RYR1: variants seen among roughly 807,000 people sequenced by gnomAD.
RYR1 encodes ryanodine receptor 1.
A neutral mutation model predicts 583.5 loss-of-function variants in RYR1; 342 were observed. That is an observed-to-expected ratio of 0.59 (90% CI 0.54 to 0.64). RYR1 has a LOEUF of 0.64. Among genes scored for constraint, RYR1 ranks in the 30% least tolerant of loss-of-function variants. The pLI, the probability that RYR1 is intolerant of heterozygous loss-of-function variation, is 0.00. For missense variants in RYR1, 6,032 were observed against 6,917.2 expected, an observed-to-expected ratio of 0.87 and a Z score of 4.54; for synonymous variants, 2,791 against 2,822.5, an observed-to-expected ratio of 0.99 and a Z score of 0.35.
intron 58 of RYR1, among the ~76,000 whole-genome samples, chr19:38,509,923 A>T (rs1970652339): frequency 1.3e-5 from 2 of 151,674 alleles, no homozygotes; most frequent in Admixed American, 1.3e-4. Flanking sequence ...ATTCAAGTTT[A>T]GAATGAAAAG....
At chr19:38,528,847 G>T in intron 75 of RYR1, 104 bp from the exon 76 acceptor site, 1 of 1,454,566 alleles carries the variant, frequency 6.9e-7, no homozygotes, top group East Asian at 2.3e-5. Context: ...TAGGGCGCAG[G>T]ATGTGGGAAA....
intron 35 of RYR1, 67 bp from the exon 36 acceptor site, chr19:38,489,995 GGAGAGGAAGCAAGA>G: frequency 7.0e-7 from 1 of 1,434,750 alleles, no homozygotes; most frequent in Non-Finnish European, 9.8e-7. Flanking sequence ...CATGGAGAGG[GGAGAGGAAGCAAGA>G]GAAGTTTCAA....
intron 1 of RYR1, among the ~76,000 whole-genome samples, chr19:38,436,134 T>C (rs1157422230): frequency 6.6e-6 from 1 of 152,068 alleles, no homozygotes; most frequent in Non-Finnish European, 1.5e-5. Flanking sequence ...GGTCTTGAAC[T>C]CCTGACCTCA....
intron 101 of RYR1, among the ~76,000 whole-genome samples, 198 bp downstream of exon 101, chr19:38,580,702 A>T (rs1974164385): frequency 6.6e-6 from 1 of 152,092 alleles, no homozygotes; most frequent in African/African-American, 2.4e-5. Context: ...CTCTATAAAA[A>T]AAAATTTAAA....
intron 94 of RYR1, among the ~76,000 whole-genome samples, chr19:38,571,641 C>T (rs1237130844): frequency 6.6e-6 from 1 of 151,830 alleles, no homozygotes; most frequent in Non-Finnish European, 1.5e-5. Flanking sequence ...CCGTCCACCC[C>T]ACCAAAAAAA....
rs1296515481 is a variant in RYR1, at chr19:38,458,184, C to T, written c.2059C>T (p.Leu687Phe). 6.2e-7 allele frequency: 1 copy of T among 1,612,326 alleles called. No homozygotes were observed. The highest frequency in any genetic ancestry group is 8.5e-7 in the Non-Finnish European group (1 of 1,179,508). The change falls in exon 18 of 106, where the codon CTC becomes TTC. Residue 687 changes from leucine (L) to phenylalanine (F), a missense_variant. By Grantham distance (22) the Leu-to-Phe change is conservative. Transcript: ENST00000359596. ...CACCCACTTGCGGGTGGGCTGGGCCCTCACCGAGGGCTACACCCCCTACCC... is the reference window on the plus strand; with the variant it reads ...CACCCACTTGCGGGTGGGCTGGGCCTTCACCGAGGGCTACACCCCCTACCC... The part of the protein sequence containing the change: ...QATHLRVGWA[L>F]TEGYTPYPGA...
At chr19:38,463,614 G>A in intron 21 of RYR1, 87 bp downstream of exon 21, 1 of 1,484,040 alleles carries the variant, frequency 6.7e-7, no homozygotes. Context: ...AGGAGGGAGG[G>A]ACCACAGGGC....
At chr19:38,519,576 T>C (rs1264473147) in intron 67 of RYR1, 122 bp downstream of exon 67, 12 of 1,132,166 alleles carry the variant, frequency 1.1e-5, no homozygotes, top group Non-Finnish European at 1.5e-5. Context: ...CCACCAACCT[T>C]CTGACTCTTC....
chr19:38,547,124 C>T (rs1053950509), intron 88 of RYR1, among the ~76,000 whole-genome samples: 5 of 151,548 alleles, frequency 3.3e-5, no homozygotes, highest in African/African-American at 1.2e-4. Flanking sequence ...ACTGCAAGCT[C>T]CGCCTCCCAG....
Position 38,585,024 on chromosome 19 carries a change from T to A in RYR1, c.14728T>A (p.Tyr4910Asn), listed in dbSNP as rs753961701. 2.5e-6 allele frequency: 4 copies of A among 1,614,016 alleles called. No homozygotes were observed. The Admixed American group carries it at 6.7e-5, about 27-fold the overall frequency. ...GATCGAGGACCCCGCGGGTGACGAATACGAGCTCTACAGGGTGGTCTTCGA... is the reference window on the plus strand; with the variant it reads ...GATCGAGGACCCCGCGGGTGACGAAAACGAGCTCTACAGGGTGGTCTTCGA... ...DEIEDPAGDE[Y>N]ELYRVVFDIT... Residue 4910 changes from tyrosine (Y) to asparagine (N), a missense_variant, in exon 102 of 106, where the codon TAC becomes AAC. Tyr to Asn is a moderately radical substitution (Grantham distance 143). Coordinates refer to ENST00000359596, the MANE Select transcript of RYR1 (RefSeq NM_000540.3).
At chr19:38,563,664 A>T (rs1268774809) in intron 90 of RYR1, among the ~76,000 whole-genome samples, 1 of 152,190 alleles carries the variant, frequency 6.6e-6, no homozygotes, top group East Asian at 1.9e-4. Context: ...AGGTCCTATT[A>T]TGCCCATTTT....
In RYR1 at chr19:38,507,835, G is replaced by A; in HGVS notation, c.8932+8G>A. ...AGTTCATTGCCCACCTGGGTACGGA[G>A]AAATACCCCCCGCTTATGCCCGCCC... is the stretch of plus-strand genomic sequence containing the variant. On this transcript the variant is annotated splice_region_variant and intron_variant, in intron 58 of 105. Coordinates refer to ENST00000359596, the MANE Select transcript of RYR1 (RefSeq NM_000540.3). 9 of 1,574,780 alleles carry A rather than the reference G, an allele frequency of 5.7e-6. No individual in the cohort carries two copies. The highest frequency in any genetic ancestry group is 7.8e-6 in the Non-Finnish European group (9 of 1,149,482).
At position 38,506,455 on chromosome 19, in the gene RYR1, C is replaced by T. The variant is rs919234052; in HGVS notation, c.8617-16C>T. Reference sequence around the variant, plus strand: ...CATCCTCTGAATCTAGCCCTTGACTCTGCATCCACTCCCAGGCCATGGCAG... The same window carrying T: ...CATCCTCTGAATCTAGCCCTTGACTTTGCATCCACTCCCAGGCCATGGCAG... On this transcript the variant is annotated splice_polypyrimidine_tract_variant and intron_variant, in intron 55 of 105. Coordinates refer to ENST00000359596, the MANE Select transcript of RYR1 (RefSeq NM_000540.3). The T allele has an allele frequency of 6.2e-7, 1 of 1,613,968 alleles. No homozygotes were observed. The highest frequency in any genetic ancestry group is 1.3e-5 in the African/African-American group (1 of 74,894).
intron 25 of RYR1, among the ~76,000 whole-genome samples, chr19:38,468,474 G>T (rs1245770316): frequency 6.6e-6 from 1 of 152,056 alleles, no homozygotes; most frequent in African/African-American, 2.4e-5. Flanking sequence ...CTTACACTTT[G>T]TTCTTTCTCT....
At chr19:38,474,618 A>G (rs1424385242) in intron 28 of RYR1, among the ~76,000 whole-genome samples, 14 of 116,350 alleles carry the variant, frequency 1.2e-4, no homozygotes, top group Non-Finnish European at 1.9e-4. Flanking sequence ...TCTGTTGCCC[A>G]GTCTGGAGTG....
rs750150252 is a variant in RYR1 at position 38,580,438 on chromosome 19, C to T, written c.14580C>T (p.Phe4860=). 2 of 1,614,148 alleles carry T rather than the reference C, an allele frequency of 1.2e-6. No individual in the cohort carries two copies. Among genetic ancestry groups the T allele is most frequent in the Admixed American group, 3.3e-5 (2 of 60,000 alleles). The part of the protein sequence containing the change: ...YLYTVVAFNF[F]RKFYNKSEDE... ...ACACCGTGGTGGCCTTCAACTTCTT[C>T]CGCAAGTTCTACAACAAGAGCGAGG... The change falls in exon 101 of 106, where the codon TTC becomes TTT. Residue 4860 remains phenylalanine, a synonymous_variant. Transcript: ENST00000359596.
intron 83 of RYR1, 22 bp from the exon 84 acceptor site, chr19:38,537,858 C>T (rs777183864): frequency 6.2e-7 from 1 of 1,612,608 alleles, no homozygotes; most frequent in South Asian, 1.1e-5. Flanking sequence ...CTCCTGGGCC[C>T]TGTCCCCTCC....
In RYR1 at chr19:38,490,128, A is replaced by C; in HGVS notation, c.5867A>C (p.Glu1956Ala). Reference protein sequence around the residue: ...FCDQELQHRVESLAAFAERYV... With the variant: ...FCDQELQHRVASLAAFAERYV... Reference sequence around the variant, plus strand: ...GACCAAGAGCTGCAGCACCGTGTGGAGTCCCTGGCAGCCTTTGCGGAGCGC... The same window carrying C: ...GACCAAGAGCTGCAGCACCGTGTGGCGTCCCTGGCAGCCTTTGCGGAGCGC... The change falls in exon 36 of 106, where the codon GAG becomes GCG. Residue 1956 changes from glutamate to alanine, a missense_variant. This residue lies in a region of RYR1 where 2,627 missense variants were observed against 2,961.3 expected (regional missense o/e 0.89). Transcript: ENST00000359596. 1 of 1,614,212 alleles carries C rather than the reference A, an allele frequency of 6.2e-7. No homozygotes were observed. The highest frequency in any genetic ancestry group is 1.1e-5 in the South Asian group (1 of 91,092).
At chr19:38,569,363 C>CTA (rs1243112056) in intron 93 of RYR1, among the ~76,000 whole-genome samples, 2 of 151,840 alleles carry the variant, frequency 1.3e-5, no homozygotes, top group African/African-American at 4.8e-5. Flanking sequence ...GCAGGGCTAC[C>CTA]CTCTAGGCAG....
Sources: allele counts gnomAD v4.1 joint callset (sites outside exome capture counted in the v4.1 genomes callset), GRCh38; gene constraint gnomAD v4.1.1; regional missense constraint gnomAD v4.1.1; transcripts MANE v1.5; gene names NCBI Gene and HGNC (gene_info 2026-07-23, HGNC 2026-07-21).